Variants in LRRC7 observed in about 807,000 individuals in gnomAD.
The protein encoded by LRRC7 is leucine-rich repeat-containing protein 7.
A neutral mutation model predicts 175.7 loss-of-function variants in LRRC7; 23 were observed. The ratio of observed to expected loss-of-function variants is 0.13; its 90% CI spans 0.09 to 0.19. LRRC7 has a LOEUF of 0.19. LRRC7 is among the 10% of genes least tolerant of loss of function. LRRC7 has a pLI of 1.00. For synonymous variants in LRRC7, 685 were observed against 680.9 expected, an observed-to-expected ratio of 1.01 and a Z score of -0.09; for missense variants, 1,354 against 1,904.7, an observed-to-expected ratio of 0.71 and a Z score of 5.38.
At chr1:69,905,561 T>C (rs1446047715) in intron 7 of LRRC7, among the ~76,000 whole-genome samples, 1 of 152,170 alleles carries the variant, frequency 6.6e-6, no homozygotes, top group Non-Finnish European at 1.5e-5. Context: ...TCCAGTTTCA[T>C]CCATGTCTGT....
At chr1:69,638,130 C>T (rs560175164) in intron 1 of LRRC7, among the ~76,000 whole-genome samples, 9 of 151,940 alleles carry the variant, frequency 5.9e-5, no homozygotes, top group African/African-American at 1.9e-4. Flanking sequence ...TGTTTGTTCT[C>T]AATTTTAATA....
At chr1:69,994,515 T>A in intron 10 of LRRC7, 46 bp from the exon 11 acceptor site, 1 of 1,261,398 alleles carries the variant, frequency 7.9e-7, no homozygotes, top group Non-Finnish European at 1.2e-6. Context: ...ACATTTCCTG[T>A]CATAATCTGC....
At chr1:70,009,543 TAAG>T (rs936673378) in intron 11 of LRRC7, among the ~76,000 whole-genome samples, 1 of 152,034 alleles carries the variant, frequency 6.6e-6, no homozygotes, top group Non-Finnish European at 1.5e-5. Context: ...TTACTGATAA[TAAG>T]AGGAAAAATG....
intron 7 of LRRC7, among the ~76,000 whole-genome samples, chr1:69,881,714 C>T (rs1455525035): frequency 1.1e-5 from 1 of 93,584 alleles, no homozygotes; most frequent in Admixed American, 1.1e-4. Flanking sequence ...CCCATCTCTA[C>T]AAAAAAAAAA....
chr1:69,892,622 C>T (rs1421985829), intron 7 of LRRC7, among the ~76,000 whole-genome samples: 1 of 152,058 alleles, frequency 6.6e-6, no homozygotes, highest in Non-Finnish European at 1.5e-5. Flanking sequence ...ATAAGTTGTC[C>T]CTTATTCCAT....
At chr1:69,942,928 C>T (rs1277066508) in intron 8 of LRRC7, among the ~76,000 whole-genome samples, 2 of 152,138 alleles carry the variant, frequency 1.3e-5, no homozygotes, top group Non-Finnish European at 2.9e-5. Context: ...GCTTTGAATG[C>T]AGACCAACAC....
At chr1:70,085,176 A>G (rs1663514249) in intron 24 of LRRC7, among the ~76,000 whole-genome samples, 1 of 152,104 alleles carries the variant, frequency 6.6e-6, no homozygotes, top group South Asian at 2.1e-4. Context: ...CTCTTATATC[A>G]TCTTTGGTTT....
At chr1:69,918,886 C>T (rs376331545) in intron 7 of LRRC7, among the ~76,000 whole-genome samples, 12 of 151,936 alleles carry the variant, frequency 7.9e-5, no homozygotes, top group African/African-American at 2.7e-4. Context: ...TTTTCTTTCC[C>T]CCAGAACAAG....
chr1:69,877,274 T>G (rs1035749984), intron 7 of LRRC7, among the ~76,000 whole-genome samples: 3 of 152,156 alleles, frequency 2.0e-5, no homozygotes, highest in African/African-American at 7.2e-5. Flanking sequence ...TCAAACTCCT[T>G]GCTAAGCAAG....
In LRRC7 at chr1:69,656,180, C is replaced by T. The variant is rs537291413; in HGVS notation, c.3-22201C>T. ...AGAAAAAAATAGTAAGAATTTTAAG[C>T]ATTCCCAGTACCATAATCACCAAGA... On this transcript the variant is annotated intron_variant, in intron 1 of 26. Transcript: ENST00000651989. Among the ~76,000 whole-genome samples, 3 of 152,002 alleles carry T rather than the reference C, an allele frequency of 2.0e-5. No individual in the cohort carries two copies. In the South Asian group the frequency reaches 6.2e-4, roughly 32 times the overall value.
At chr1:69,646,012 T>A (rs1654956349) in intron 1 of LRRC7, among the ~76,000 whole-genome samples, 1 of 152,112 alleles carries the variant, frequency 6.6e-6, no homozygotes, top group African/African-American at 2.4e-5. Context: ...AGATGACTTA[T>A]CACTGATATT....
chr1:69,787,716 A>G (rs1027316543), intron 3 of LRRC7, among the ~76,000 whole-genome samples: 1 of 152,080 alleles, frequency 6.6e-6, no homozygotes, highest in Non-Finnish European at 1.5e-5. Flanking sequence ...CATGCCCTGA[A>G]GACACTTTCC....
At chr1:69,656,886 A>C (rs1217659381) in intron 1 of LRRC7, among the ~76,000 whole-genome samples, 8 of 151,950 alleles carry the variant, frequency 5.3e-5, no homozygotes, top group Non-Finnish European at 1.2e-4. Flanking sequence ...TTTTAGCAAC[A>C]ATGTAATGGG....
intron 1 of LRRC7, among the ~76,000 whole-genome samples, chr1:69,579,741 C>A (rs1272059058): frequency 1.3e-5 from 2 of 151,836 alleles, no homozygotes; most frequent in Non-Finnish European, 2.9e-5. Flanking sequence ...TTGTGCTTCC[C>A]AGCCATAGCC....
chr1:70,057,732 C>G (rs966196655), intron 23 of LRRC7, among the ~76,000 whole-genome samples: 4 of 152,126 alleles, frequency 2.6e-5, no homozygotes, highest in Non-Finnish European at 5.9e-5. Context: ...TTTTTGGTTA[C>G]TCATGGCCAT....
chr1:69,715,878 T>C (rs1665288798), intron 2 of LRRC7, among the ~76,000 whole-genome samples: 1 of 152,026 alleles, frequency 6.6e-6, no homozygotes, highest in African/African-American at 2.4e-5. Flanking sequence ...TTTTTGCTTA[T>C]AGGTACCAAA....
chr1:70,027,594 T>G (rs534495859), intron 17 of LRRC7, among the ~76,000 whole-genome samples: 1 of 152,130 alleles, frequency 6.6e-6, no homozygotes, highest in East Asian at 1.9e-4. Flanking sequence ...CTGAAGCATT[T>G]TTTCCCCTTA....
At chr1:69,727,684 A>G (rs1667123404) in intron 2 of LRRC7, among the ~76,000 whole-genome samples, 1 of 152,226 alleles carries the variant, frequency 6.6e-6, no homozygotes, top group Non-Finnish European at 1.5e-5. Context: ...TTTAGAAACT[A>G]TAAACCAAGA....
chr1:69,715,725 G>A (rs993791771), intron 2 of LRRC7, among the ~76,000 whole-genome samples: 8 of 151,170 alleles, frequency 5.3e-5, no homozygotes, highest in Admixed American at 5.3e-4. Context: ...AGAGGAGAAG[G>A]CAACTCTAAC....
Sources: allele counts gnomAD v4.1 joint callset (sites outside exome capture counted in the v4.1 genomes callset), GRCh38; gene constraint gnomAD v4.1.1; transcripts MANE v1.5; gene names NCBI Gene and HGNC (gene_info 2026-07-23, HGNC 2026-07-21).